The following CD99 variants were observed in gnomAD, a reference collection of about 807,000 sequenced individuals.
CD99 encodes the protein CD99 molecule (Xg blood group).
A neutral mutation model predicts 28.4 loss-of-function variants in CD99; 19 were observed. The observed-to-expected ratio is 0.67, with a 90% CI of 0.47 to 0.98. CD99 has a LOEUF of 0.98. Among genes scored for constraint, CD99 ranks in the 50% least tolerant of loss-of-function variants. The pLI is 0.00. For missense variants in CD99, 283 were observed against 248.8 expected, an observed-to-expected ratio of 1.14 and a Z score of -0.92; for synonymous variants, 103 against 92.1, an observed-to-expected ratio of 1.12 and a Z score of -0.67.
chrX:2,715,742 T>A (rs1335196901), intron 2 of CD99: 1 of 152,466 alleles, frequency 6.6e-6, no homozygotes, highest in East Asian at 1.9e-4. Context: ...TTCCTGCTTC[T>A]CCCAGCTTTT....
At chrX:2,700,053 C>A (rs963075578) in intron 1 of CD99, among the ~76,000 whole-genome samples, 6 of 152,114 alleles carry the variant, frequency 3.9e-5, no homozygotes, top group Non-Finnish European at 8.8e-5. Context: ...GGGAAAAATG[C>A]ATGTGGACAT....
intron 1 of CD99, among the ~76,000 whole-genome samples, chrX:2,695,713 G>A (rs188059358): frequency 0.016 from 2,410 of 150,554 alleles, 67 homozygotes; most frequent in African/African-American, 0.054. Context: ...GGCTCACTGC[G>A]ACCTGTGTCT....
chrX:2,727,843 C>T (rs2049375211), intron 8 of CD99, among the ~76,000 whole-genome samples: 1 of 152,244 alleles, frequency 6.6e-6, no homozygotes, highest in Admixed American at 6.5e-5. Flanking sequence ...AACTTCTCAC[C>T]CTACTTAGAT....
intron 8 of CD99, among the ~76,000 whole-genome samples, chrX:2,729,876 G>A (rs1041967814): frequency 5.3e-5 from 8 of 152,132 alleles, no homozygotes; most frequent in Non-Finnish European, 1.2e-4. Flanking sequence ...AATATGTCCT[G>A]GCGAGGTGGC....
chrX:2,721,173 A>C (rs1193003459), intron 5 of CD99, among the ~76,000 whole-genome samples: 5 of 151,602 alleles, frequency 3.3e-5, no homozygotes, highest in Non-Finnish European at 7.4e-5. Context: ...TCGAAAGTTT[A>C]TATGTTTAGG....
At chrX:2,723,241 C>G in intron 6 of CD99, 73 bp from the exon 7 acceptor site, 1 of 1,499,972 alleles carries the variant, frequency 6.7e-7, no homozygotes, top group Non-Finnish European at 9.3e-7. Flanking sequence ...ACCCCAGCCT[C>G]TTCACGGTCC....
chrX:2,710,867 C>CTTTTTTT (rs541519754), intron 1 of CD99, among the ~76,000 whole-genome samples: 2 of 99,614 alleles, frequency 2.0e-5, no homozygotes, highest in African/African-American at 4.0e-5. Context: ...GTAGAGATGA[C>CTTTTTTT]TTTTTTTTTT....
intron 1 of CD99, among the ~76,000 whole-genome samples, chrX:2,699,096 TTTTC>T (rs1480390057): frequency 2.7e-4 from 40 of 149,186 alleles, no homozygotes; most frequent in Non-Finnish European, 5.1e-4. Context: ...CCAGCTAATC[TTTTC>T]TTTCTTTTTG....
In CD99 at chrX:2,722,665, G is replaced by C; in HGVS notation, c.301G>C (p.Gly101Arg). Residue 101 changes from glycine (G) to arginine (R), a missense_variant, in exon 6 of 10, where the codon GGT becomes CGT. Coordinates refer to ENST00000381192, the MANE Select transcript of CD99 (RefSeq NM_002414.5). ...TGCTGACCTTGCGGATGGCGTTTCA[G>C]GTGGAGAAGGTACAGTTATCTTGTT... ...SDADLADGVSGGEGKGGSDGG... is the reference protein window; with the variant it reads ...SDADLADGVSRGEGKGGSDGG... The C allele has an allele frequency of 6.2e-7, 1 of 1,613,960 alleles. No individual in the cohort carries two copies. Among genetic ancestry groups the C allele is most frequent in the Non-Finnish European group, 8.5e-7 (1 of 1,179,852 alleles).
chrX:2,720,620 C>CTTTTTTTTTTTTT (rs71281938), intron 5 of CD99, among the ~76,000 whole-genome samples, 196 bp downstream of exon 5: 1 of 83,920 alleles, frequency 1.2e-5, no homozygotes, highest in Non-Finnish European at 2.1e-5. Flanking sequence ...TTTTAGTTTG[C>CTTTTTTTTTTTTT]TTTTTTTTTT....
chrX:2,722,920 G>A (rs892142349), intron 6 of CD99, among the ~76,000 whole-genome samples: 3 of 152,158 alleles, frequency 2.0e-5, no homozygotes, highest in African/African-American at 7.2e-5. Context: ...CTTTTCTGAG[G>A]GACAGGGCGT....
At chrX:2,715,564 C>T (rs912827905) in intron 2 of CD99, 1 of 152,246 alleles carries the variant, frequency 6.6e-6, no homozygotes, top group Admixed American at 6.5e-5. Context: ...CCAGGATTAT[C>T]TAATCTCAAG....
At chrX:2,708,267 G>A (rs192212026) in intron 1 of CD99, among the ~76,000 whole-genome samples, 8 of 152,082 alleles carry the variant, frequency 5.3e-5, no homozygotes, top group South Asian at 2.1e-4. Context: ...GGGAGTGAAC[G>A]TCTGATTATG....
At chrX:2,737,770 A>G (rs2050018635) in intron 8 of CD99, 1 of 337,308 alleles carries the variant, frequency 3.0e-6, no homozygotes, top group African/African-American at 2.1e-5. Context: ...TGCTGGGATT[A>G]CAGGCGTGAG....
chrX:2,699,970 A>G (rs2047769515), intron 1 of CD99, among the ~76,000 whole-genome samples: 2 of 152,184 alleles, frequency 1.3e-5, no homozygotes. Context: ...GATATTTCTC[A>G]TGGGCCTTTT....
intron 8 of CD99, among the ~76,000 whole-genome samples, chrX:2,731,241 T>C (rs1174134946): frequency 6.6e-6 from 1 of 152,148 alleles, no homozygotes; most frequent in Non-Finnish European, 1.5e-5. Flanking sequence ...CATAGGTTCA[T>C]GGGGAGCTTG....
intron 1 of CD99, among the ~76,000 whole-genome samples, chrX:2,701,776 C>T (rs764147807): frequency 6.6e-6 from 1 of 152,286 alleles, no homozygotes; most frequent in Admixed American, 6.5e-5. Flanking sequence ...GCCTAAGGCC[C>T]GTCTTTGGGT....
rs746202223 is a variant in CD99, at chrX:2,729,161, T to C, written c.475+2788T>C. On this transcript the variant is annotated intron_variant, in intron 8 of 9. Coordinates refer to ENST00000381192, the MANE Select transcript of CD99 (RefSeq NM_002414.5). ...TCTTTTTTAGAATCCCAGACAATTG[T>C]TGAACACTTTTGCATTAAACTACAA... is the stretch of plus-strand genomic sequence containing the variant. Among the ~76,000 whole-genome samples the C allele has an allele frequency of 7.2e-5, 11 of 152,272 alleles. No homozygotes were observed. The East Asian group carries it at 2.1e-3, about 29-fold the overall frequency.
chrX:2,716,888 A>C (rs1372955696), intron 2 of CD99, among the ~76,000 whole-genome samples: 1 of 152,150 alleles, frequency 6.6e-6, no homozygotes. Flanking sequence ...CGGGGCCAAA[A>C]GTGTGTTTCA....
Sources: allele counts gnomAD v4.1 joint callset (sites outside exome capture counted in the v4.1 genomes callset), GRCh38; gene constraint gnomAD v4.1.1; transcripts MANE v1.5; gene names NCBI Gene and HGNC (gene_info 2026-07-23, HGNC 2026-07-21).